Variants in UPF3B observed in about 807,000 individuals in gnomAD.
The protein encoded by UPF3B is regulator of nonsense transcripts 3B.
UPF3B carries 7 observed loss-of-function variants against 40.3 expected under a neutral mutation model. That is an observed-to-expected ratio of 0.17 (90% CI 0.10 to 0.33). The LOEUF is 0.33. Ranked by LOEUF, UPF3B falls within the 10% of genes least tolerant of loss-of-function variation. The probability of loss-of-function intolerance (pLI) is 1.00; values close to 1 mark genes in which losing one functional copy is unlikely to be tolerated. For missense variants in UPF3B, 229 were observed against 358.9 expected (o/e 0.64, Z 2.93); for synonymous variants, 117 against 117.3 (o/e 1.00, Z 0.01).
At position 119,851,764 on chromosome X, in the gene UPF3B, T is replaced by TTTTTTTTTTTTA; in HGVS notation, c.263+2_263+3insTAAAAAAAAAAA. On this transcript the variant is annotated splice_region_variant and intron_variant, in intron 2 of 10. Transcript: ENST00000276201. Reference sequence around the variant, plus strand: ...ACCCCTTTCCTTTTTTTTTTTTTTTTACCTCGTATCATTAGAAAAAAACTC... The same window carrying TTTTTTTTTTTTA: ...ACCCCTTTCCTTTTTTTTTTTTTTTTTTTTTTTTTTTAACCTCGTATCATTAGAAAAAAACTC... 4 of 968,438 alleles carry TTTTTTTTTTTTA rather than the reference T, an allele frequency of 4.1e-6. No individual in the cohort carries two copies. The highest frequency in any genetic ancestry group is 5.6e-6 in the Non-Finnish European group (4 of 710,163). 79.8% of individuals were successfully genotyped at this position (968,438 alleles called of 1,213,427 possible). A position where few individuals can be genotyped will look rare whatever the true frequency, so the allele number is the denominator to read the frequency against.
intron 4 of UPF3B, among the ~76,000 whole-genome samples, chrX:119,844,881 G>A (rs1000717762): frequency 2.7e-5 from 3 of 112,228 alleles, no homozygotes; most frequent in African/African-American, 9.7e-5. Context: ...GGGATTATAG[G>A]CGTGAGCCAC....
At chrX:119,825,130 G>A (rs1325780292) in intron 3 of UPF3B, among the ~76,000 whole-genome samples, 1 of 111,593 alleles carries the variant, frequency 9.0e-6, no homozygotes, top group Non-Finnish European at 1.9e-5. Flanking sequence ...AAATACCCGA[G>A]TGTGGGTAAT....
chrX:119,845,670 G>C (rs188280444), intron 3 of UPF3B, among the ~76,000 whole-genome samples: 1 of 111,710 alleles, frequency 9.0e-6, no homozygotes, highest in East Asian at 2.8e-4. Flanking sequence ...GTTTGGGGTA[G>C]AAGTGGTGAG....
chrX:119,832,758 A>T (rs1461320078), downstream of UPF3B, among the ~76,000 whole-genome samples: 5 of 111,917 alleles, frequency 4.5e-5, no homozygotes, highest in Admixed American at 1.9e-4. Context: ...CCCTGCCATC[A>T]AAAACATGTA....
intron 8 of UPF3B, among the ~76,000 whole-genome samples, chrX:119,840,369 A>G (rs1347133016): frequency 8.9e-6 from 1 of 111,844 alleles, no homozygotes; most frequent in South Asian, 3.7e-4. Context: ...TGAGAAGCAT[A>G]TAAGAAGATG....
At chrX:119,841,553 T>C (rs2056161415) in intron 6 of UPF3B, among the ~76,000 whole-genome samples, 182 bp downstream of exon 6, 1 of 112,236 alleles carries the variant, frequency 8.9e-6, no homozygotes, top group Non-Finnish European at 1.9e-5. Context: ...AGTGAACTCC[T>C]GGTCCAACAA....
chrX:119,806,155 A>G (rs2055789087), intron 6 of UPF3B, among the ~76,000 whole-genome samples: 1 of 72,629 alleles, frequency 1.4e-5, no homozygotes, highest in Non-Finnish European at 2.6e-5. Context: ...ATGCAGCCAT[A>G]AAAAATGATG....
intron 5 of UPF3B, 45 bp downstream of exon 5, chrX:119,843,146 A>G: frequency 1.2e-6 from 1 of 864,935 alleles, no homozygotes; most frequent in Non-Finnish European, 1.7e-6. Flanking sequence ...AGACTTAGGT[A>G]CTGTGATGAA....
At chrX:119,829,130 T>C (rs2056011389), downstream of UPF3B, among the ~76,000 whole-genome samples, 1 of 112,065 alleles carries the variant, frequency 8.9e-6, no homozygotes, top group South Asian at 3.7e-4. Context: ...CAAGCGATTC[T>C]TCTGCCTCAG....
intron 3 of UPF3B, among the ~76,000 whole-genome samples, chrX:119,847,027 T>C (rs913828168): frequency 8.9e-6 from 1 of 112,539 alleles, no homozygotes; most frequent in Non-Finnish European, 1.9e-5. Flanking sequence ...TATGGAAATA[T>C]GTTCCACATT....
intron 10 of UPF3B, among the ~76,000 whole-genome samples, 171 bp downstream of exon 10, chrX:119,837,584 CCA>C (rs943724577): frequency 9.7e-6 from 1 of 103,006 alleles, no homozygotes; most frequent in African/African-American, 3.6e-5. Flanking sequence ...CCACTGCACT[CCA>C]GCCTGGGCAA....
rs764774848 is a variant in UPF3B at position 119,847,100 on chromosome X, G to A, written c.371-1804C>T. 3.6e-5 allele frequency among the ~76,000 whole-genome samples: 4 copies of A among 112,373 alleles called. 1 individual carries two copies. In the Admixed American group the frequency reaches 3.8e-4, roughly 11 times the overall value. On this transcript the variant is annotated intron_variant, in intron 3 of 10. Coordinates refer to ENST00000276201, the MANE Select transcript of UPF3B (RefSeq NM_080632.3). ...AGGTATCATCTCACGCCTATTAGGA[G>A]GACTACTATCAAAAAGCAGAAAATA...
intron 3 of UPF3B, among the ~76,000 whole-genome samples, chrX:119,848,281 CAAAAAAA>C (rs144679153): frequency 4.2e-5 from 1 of 23,930 alleles, no homozygotes; most frequent in African/African-American, 1.3e-4. Flanking sequence ...GACTCCATCT[CAAAAAAA>C]AAAAAAAAAA....
At chrX:119,851,732 T>C (rs1311936985) in intron 2 of UPF3B, 35 bp downstream of exon 2, 3 of 943,131 alleles carry the variant, frequency 3.2e-6, no homozygotes, top group Non-Finnish European at 4.3e-6. Context: ...AGAAACCTTT[T>C]TCATTTACCC....
chrX:119,837,615 CAAAA>C (rs34350340), intron 10 of UPF3B, 138 bp downstream of exon 10: 918 of 396,707 alleles, frequency 2.3e-3, no homozygotes, highest in Middle Eastern at 4.8e-3. Flanking sequence ...GACTCTGTCT[CAAAA>C]AAAAAAAAAA....
chrX:119,826,469 G>A (rs1160298495), intron 3 of UPF3B, among the ~76,000 whole-genome samples: 3 of 110,876 alleles, frequency 2.7e-5, no homozygotes. Context: ...GCGACAGGGC[G>A]AGTCCACGTC....
Position 119,835,035 on chromosome X carries a change from A to T in UPF3B, c.1303-8T>A. 8.3e-7 allele frequency: 1 copy of T among 1,210,978 alleles called. No homozygotes were observed. Among genetic ancestry groups the T allele is most frequent in the South Asian group, 1.8e-5 (1 of 56,970 alleles). On this transcript the variant is annotated splice_region_variant and splice_polypyrimidine_tract_variant and intron_variant, in intron 10 of 10. Coordinates refer to ENST00000276201, the MANE Select transcript of UPF3B (RefSeq NM_080632.3). ...CTGCATCGCTGGACGATCCTGAAGTACAATAAAATATGTTACCATTACAAC... is the reference window on the plus strand; with the variant it reads ...CTGCATCGCTGGACGATCCTGAAGTTCAATAAAATATGTTACCATTACAAC...
intron 10 of UPF3B, among the ~76,000 whole-genome samples, chrX:119,835,731 T>C (rs1409386078): frequency 8.9e-6 from 1 of 111,978 alleles, no homozygotes; most frequent in Non-Finnish European, 1.9e-5. Context: ...GCTCATACCT[T>C]TATTCCCAAT....
intron 10 of UPF3B, 21 bp downstream of exon 10, chrX:119,837,736 A>T: frequency 1.7e-6 from 2 of 1,206,355 alleles, no homozygotes; most frequent in South Asian, 3.5e-5. Context: ...CCTCATAAAC[A>T]AGTTTAATGA....
Sources: gnomAD v4.1 joint callset for allele counts (sites outside exome capture counted in the v4.1 genomes callset) on GRCh38, gnomAD v4.1.1 for gene constraint, MANE v1.5 for transcripts, NCBI Gene and HGNC (gene_info 2026-07-23, HGNC 2026-07-21) for gene names.